ARRDC5: variants seen among roughly 807,000 people sequenced by gnomAD.
The protein encoded by ARRDC5 is arrestin domain containing 5.
ARRDC5 carries 12 observed loss-of-function variants against 13.3 expected under a neutral mutation model. The observed-to-expected ratio is 0.90, with a 90% confidence interval of 0.58 to 1.46. The LOEUF (loss-of-function observed/expected upper bound fraction) is 1.46. Among genes scored for constraint, ARRDC5 ranks in the 40% most tolerant of loss-of-function variants. ARRDC5 has a pLI of 0.00. For missense variants in ARRDC5, 406 were observed against 418.7 expected, an observed-to-expected ratio of 0.97 and a Z score of 0.26; for synonymous variants, 181 against 173.4, an observed-to-expected ratio of 1.04 and a Z score of -0.34.
chr19:4,905,406 A>C (rs1034585081), upstream of ARRDC5, among the ~76,000 whole-genome samples: 4 of 151,680 alleles, frequency 2.6e-5, no homozygotes, highest in African/African-American at 9.7e-5. Context: ...GGTGTGAGCC[A>C]CCACACCCGG....
chr19:4,913,323 G>C, the ARRDC5 span, among the ~76,000 whole-genome samples: 3 of 140,520 alleles, frequency 2.1e-5, no homozygotes, highest in Non-Finnish European at 3.0e-5. Flanking sequence ...GCTCGATCTG[G>C]GCTCACTGCA....
rs575777769 is a variant in ARRDC5, at chr19:4,894,510, CAAAAAA to C, written c.459+2155_459+2160del. On this transcript the variant is annotated intron_variant, in intron 2 of 2. Transcript: ENST00000650722. ...TGGGCGACAGAGCGAGACTCCGTCT[CAAAAAA>C]AAAAAAAAAAAAAAAAAATTAGCCG... Among the ~76,000 whole-genome samples, 43 of 27,230 alleles carry C rather than the reference CAAAAAA, an allele frequency of 1.6e-3. 2 individuals carry two copies. Among genetic ancestry groups the C allele is most frequent in the East Asian group, 6.4e-3 (12 of 1,878 alleles). The allele number at this position is 27,230 out of a possible 152,430, so 17.9% of individuals were successfully genotyped here.
upstream of ARRDC5, among the ~76,000 whole-genome samples, chr19:4,903,867 A>G (rs2032002019): frequency 6.6e-6 from 1 of 152,208 alleles, no homozygotes; most frequent in Non-Finnish European, 1.5e-5. Flanking sequence ...GAAAAAACAT[A>G]GAGATATGGC....
chr19:4,891,877 C>T (rs1489551448), intron 2 of ARRDC5, among the ~76,000 whole-genome samples: 3 of 150,134 alleles, frequency 2.0e-5, no homozygotes, highest in African/African-American at 4.9e-5. Flanking sequence ...ATCTCTTGAA[C>T]CCGGGAGGTG....
At chr19:4,903,033 T>TTCA, upstream of ARRDC5, 1 of 589,770 alleles carries the variant, frequency 1.7e-6, no homozygotes, top group East Asian at 3.0e-5. Flanking sequence ...CTGGTTCTTT[T>TTCA]TTTTTTTTTT....
chr19:4,897,771 T>C (rs1293195547), intron 1 of ARRDC5, among the ~76,000 whole-genome samples: 1 of 152,128 alleles, frequency 6.6e-6, no homozygotes, highest in African/African-American at 2.4e-5. Flanking sequence ...CCTGCCTCAC[T>C]CTCCCAAAAG....
the ARRDC5 span, among the ~76,000 whole-genome samples, chr19:4,908,395 C>G: frequency 7.9e-5 from 12 of 152,208 alleles, 1 homozygote; most frequent in Admixed American, 7.2e-4. Flanking sequence ...GCTCACAGCT[C>G]TCAAGGGAAA....
the ARRDC5 span, chr19:4,910,841 A>G: frequency 6.4e-7 from 1 of 1,572,154 alleles, no homozygotes; most frequent in Non-Finnish European, 8.7e-7. Context: ...GGTGCTGGTA[A>G]AACTGATGGG....
Position 4,901,968 on chromosome 19 carries a change from C to G in ARRDC5, c.253+605G>C, listed in dbSNP as rs1386248089. On this transcript the variant is annotated intron_variant, in intron 1 of 2. Transcript: ENST00000650722. ...GTGGTGCGATCTCAGCTTACTGGAA[C>G]CTCCCCTTCACGAGTTCAAGTGATT... Among the ~76,000 whole-genome samples, 2 of 152,110 alleles carry G rather than the reference C, an allele frequency of 1.3e-5. 1 individual carries two copies. Among genetic ancestry groups the G allele is most frequent in the Admixed American group, 1.3e-4 (2 of 15,256 alleles).
the ARRDC5 span, among the ~76,000 whole-genome samples, chr19:4,908,505 C>A: frequency 6.6e-6 from 1 of 152,084 alleles, no homozygotes. Flanking sequence ...CACACCAGCC[C>A]CTTCCTGCTC....
intron 2 of ARRDC5, among the ~76,000 whole-genome samples, chr19:4,896,463 A>G (rs1243104954): frequency 6.7e-6 from 1 of 149,166 alleles, no homozygotes; most frequent in Non-Finnish European, 1.5e-5. Flanking sequence ...GCTGGAGTGC[A>G]GTGGTGCAAA....
intron 1 of ARRDC5, among the ~76,000 whole-genome samples, chr19:4,901,591 G>A (rs2031916476): frequency 6.6e-6 from 1 of 152,136 alleles, no homozygotes; most frequent in South Asian, 2.1e-4. Flanking sequence ...TCCAGCCTGG[G>A]AAGCAGGGCG....
intron 2 of ARRDC5, 91 bp downstream of exon 2, chr19:4,896,579 TG>T: frequency 1.1e-6 from 1 of 938,298 alleles, no homozygotes; most frequent in Non-Finnish European, 1.7e-6. Flanking sequence ...CTTCTCCCCA[TG>T]GGACCTTCTC....
At chr19:4,901,858 C>T (rs1329579503) in intron 1 of ARRDC5, among the ~76,000 whole-genome samples, 1 of 151,974 alleles carries the variant, frequency 6.6e-6, no homozygotes, top group African/African-American at 2.4e-5. Context: ...TATTCCTTCT[C>T]TGGAAGGTCT....
upstream of ARRDC5, among the ~76,000 whole-genome samples, chr19:4,905,710 G>T (rs1489142544): frequency 6.6e-6 from 1 of 151,956 alleles, no homozygotes; most frequent in African/African-American, 2.4e-5. Flanking sequence ...TAGAGACGGG[G>T]TTTCACCGTG....
upstream of ARRDC5, among the ~76,000 whole-genome samples, chr19:4,904,468 C>T (rs1017663053): frequency 6.6e-5 from 10 of 152,144 alleles, no homozygotes; most frequent in African/African-American, 9.7e-5. Flanking sequence ...CGTGAGCCAC[C>T]GCACCCAGCC....
the ARRDC5 span, chr19:4,910,792 A>C: frequency 6.8e-7 from 1 of 1,466,834 alleles, no homozygotes; most frequent in Non-Finnish European, 9.1e-7. Context: ...AGGCCGGACA[A>C]AAGCAACCCC....
At chr19:4,896,356 TTTTTTACACAC>T (rs1429740673) in intron 2 of ARRDC5, among the ~76,000 whole-genome samples, 11 of 98,434 alleles carry the variant, frequency 1.1e-4, no homozygotes, top group African/African-American at 4.9e-4. Context: ...ATATTTTTTT[TTTTTTACACAC>T]ACACACACAC....
chr19:4,895,444 A>AAAAAG (rs2031679850), intron 2 of ARRDC5, among the ~76,000 whole-genome samples: 1 of 139,104 alleles, frequency 7.2e-6, no homozygotes, highest in Non-Finnish European at 1.5e-5. Flanking sequence ...AAAAAAAAAA[A>AAAAAG]AAAGAAAGAA....
Sources: allele counts gnomAD v4.1 joint callset (sites outside exome capture counted in the v4.1 genomes callset), GRCh38; gene constraint gnomAD v4.1.1; transcripts MANE v1.5; gene names NCBI Gene and HGNC (gene_info 2026-07-23, HGNC 2026-07-21).